The following PNPLA3 variants were observed in gnomAD, a reference collection of about 807,000 sequenced individuals.
PNPLA3 encodes 1-acylglycerol-3-phosphate O-acyltransferase PNPLA3.
PNPLA3 carries 42 observed loss-of-function variants against 43.1 expected under a neutral mutation model. That is an observed-to-expected ratio of 0.97 (90% CI 0.76 to 1.26). The LOEUF (loss-of-function observed/expected upper bound fraction) is 1.26. Ranked by LOEUF, PNPLA3 falls within the 50% of genes most tolerant of loss-of-function variation. PNPLA3 has a pLI of 0.00. For synonymous variants in PNPLA3, 272 were observed against 253.6 expected (o/e 1.07, Z -0.69); for missense variants, 647 against 621.4 (o/e 1.04, Z -0.44).
chr22:43,930,101 G>C (rs1034954215), intron 3 of PNPLA3, among the ~76,000 whole-genome samples: 1 of 152,168 alleles, frequency 6.6e-6, no homozygotes, highest in African/African-American at 2.4e-5. Context: ...GCAGAGCCAC[G>C]TGGCAGAGGG....
Position 43,946,152 on chromosome 22 carries a change from A to T in PNPLA3, c.1218-2A>T. On this transcript the variant is annotated splice_acceptor_variant, in intron 8 of 8. Transcript: ENST00000216180. LOFTEE classifies it high-confidence loss of function. ...TAAGCCAACTTCCTCCATGTGTTTC[A>T]GGTCCCAAATGCCAGTGAGCAGCCA... 6.2e-7 allele frequency: 1 copy of T among 1,611,982 alleles called. No individual in the cohort carries two copies. Among genetic ancestry groups the T allele is most frequent in the Non-Finnish European group, 8.5e-7 (1 of 1,178,226 alleles).
chr22:43,941,037 G>A (rs946728625), intron 7 of PNPLA3, among the ~76,000 whole-genome samples: 2 of 151,098 alleles, frequency 1.3e-5, no homozygotes, highest in African/African-American at 2.4e-5. Flanking sequence ...TACTCCGGAG[G>A]CTAAGGCAGG....
chr22:43,939,439 G>A (rs2146787983), intron 6 of PNPLA3: 1 of 961,844 alleles, frequency 1.0e-6, no homozygotes, highest in Non-Finnish European at 1.2e-6. Context: ...GCTGGGAGTG[G>A]GGACCCTATG....
At chr22:43,930,028 G>T (rs1194667209) in intron 3 of PNPLA3, among the ~76,000 whole-genome samples, 1 of 152,096 alleles carries the variant, frequency 6.6e-6, no homozygotes, top group African/African-American at 2.4e-5. Context: ...AGCCTTTTAG[G>T]GTAATTTTTG....
chr22:43,940,707 G>T (rs574599866), intron 7 of PNPLA3, among the ~76,000 whole-genome samples: 10 of 152,236 alleles, frequency 6.6e-5, no homozygotes, highest in Admixed American at 3.9e-4. Flanking sequence ...TACTTGGAAG[G>T]CTGGGGCAGA....
intron 5 of PNPLA3, among the ~76,000 whole-genome samples, chr22:43,935,906 CAG>C (rs967130480): frequency 6.6e-5 from 10 of 152,096 alleles, no homozygotes; most frequent in African/African-American, 2.4e-4. Flanking sequence ...AGCGAGATAC[CAG>C]TGTCTAGGAG....
chr22:43,926,923 T>G lies in PNPLA3; in HGVS notation c.188-12T>G. The G allele has an allele frequency of 2.5e-6, 4 of 1,611,408 alleles. No homozygotes were observed. Among genetic ancestry groups the G allele is most frequent in the Non-Finnish European group, 3.4e-6 (4 of 1,177,602 alleles). On this transcript the variant is annotated splice_polypyrimidine_tract_variant and intron_variant, in intron 1 of 8. Transcript: ENST00000216180. ...TGGTACATTCTTTCATGTATTTGTCTCCTGTCCCCAGAGCAGACTCTGCAG... is the reference window on the plus strand; with the variant it reads ...TGGTACATTCTTTCATGTATTTGTCGCCTGTCCCCAGAGCAGACTCTGCAG...
At position 43,946,662 on chromosome 22, in the gene PNPLA3, C is replaced by T. The variant is rs968127063; in HGVS notation, c.*280C>T. The T allele has an allele frequency of 9.3e-6, 6 of 645,322 alleles. No individual in the cohort carries two copies. In the East Asian group the frequency reaches 2.1e-4, roughly 22 times the overall value. The allele number at this position is 645,322 out of a possible 1,614,324, so 40.0% of individuals were successfully genotyped here. The stretch of plus-strand genomic sequence containing the variant: ...GGGTCCCTTACTGACTGTTTCGTGG[C>T]CCTATTAATGGTCAGACTGTTCCAG... On this transcript the variant is annotated 3_prime_UTR_variant, in exon 9 of 9. Coordinates refer to ENST00000216180, the MANE Select transcript of PNPLA3 (RefSeq NM_025225.3).
At chr22:43,941,772 C>T (rs1039661365) in intron 7 of PNPLA3, among the ~76,000 whole-genome samples, 3 of 151,530 alleles carry the variant, frequency 2.0e-5, no homozygotes, top group Non-Finnish European at 4.4e-5. Context: ...GGTTGTCTGA[C>T]AGTGGAGGGC....
At chr22:43,937,344 CT>C in intron 6 of PNPLA3, 72 bp downstream of exon 6, 2 of 1,421,322 alleles carry the variant, frequency 1.4e-6, no homozygotes, top group South Asian at 2.4e-5. Flanking sequence ...GAAGATGGTA[CT>C]GCCACATGGG....
chr22:43,928,924 G>C (rs748761503), intron 3 of PNPLA3, 35 bp downstream of exon 3: 3 of 1,573,508 alleles, frequency 1.9e-6, no homozygotes, highest in African/African-American at 1.3e-5. Flanking sequence ...CTGAGTCCTG[G>C]GGGCCTCTGA....
intron 1 of PNPLA3, among the ~76,000 whole-genome samples, chr22:43,924,683 A>T (rs1193614101): frequency 2.3e-4 from 34 of 148,894 alleles, no homozygotes; most frequent in African/African-American, 8.2e-4. Context: ...AGTTTCGCTC[A>T]GTCGCCCAGG....
chr22:43,943,760 T>C (rs916529552), intron 7 of PNPLA3, among the ~76,000 whole-genome samples: 1 of 152,178 alleles, frequency 6.6e-6, no homozygotes, highest in African/African-American at 2.4e-5. Flanking sequence ...ACTTTGTTTT[T>C]AGTAAGTTAG....
In PNPLA3 at chr22:43,947,323, C is replaced by T; in HGVS notation, c.*941C>T. 6.6e-6 allele frequency: 1 copy of T among 151,512 alleles called. No homozygotes were observed. Among genetic ancestry groups the T allele is most frequent in the Non-Finnish European group, 1.5e-5 (1 of 68,366 alleles). 9.4% of individuals were successfully genotyped at this position (151,512 alleles called of 1,614,324 possible). On this transcript the variant is annotated 3_prime_UTR_variant, in exon 9 of 9. Coordinates refer to ENST00000216180, the MANE Select transcript of PNPLA3 (RefSeq NM_025225.3). ...GCGGTGAGCTGAGATTGCACCATTT[C>T]ATTCCAGCCTGGGCAACATGAGTGA...
intron 6 of PNPLA3, 51 bp downstream of exon 6, chr22:43,937,323 G>A (rs760690661): frequency 1.3e-6 from 2 of 1,538,854 alleles, no homozygotes; most frequent in East Asian, 4.6e-5. Flanking sequence ...TCTTTCTTGT[G>A]CATTATGGAG....
At position 43,932,419 on chromosome 22, in the gene PNPLA3, C is replaced by T. The variant is rs182677362; in HGVS notation, c.487-459C>T. On this transcript the variant is annotated intron_variant, in intron 3 of 8. Coordinates refer to ENST00000216180, the MANE Select transcript of PNPLA3 (RefSeq NM_025225.3). The stretch of plus-strand genomic sequence containing the variant: ...GTCTTATCCCAGATTTCTGTATCCT[C>T]CTTGCAAGCAGCAAAGGGGTCTGGA... Among the ~76,000 whole-genome samples the T allele has an allele frequency of 7.2e-5, 11 of 152,294 alleles. No homozygotes were observed. The East Asian group carries it at 2.1e-3, about 29-fold the overall frequency.
chr22:43,938,075 C>T (rs967986415), intron 6 of PNPLA3, among the ~76,000 whole-genome samples: 10 of 152,222 alleles, frequency 6.6e-5, no homozygotes, highest in African/African-American at 2.2e-4. Context: ...CAGGCCCTCA[C>T]CAGACACCAA....
intron 1 of PNPLA3, among the ~76,000 whole-genome samples, chr22:43,926,217 G>A (rs1158376978): frequency 6.6e-6 from 1 of 152,218 alleles, no homozygotes; most frequent in Non-Finnish European, 1.5e-5. Context: ...GCCACTCAGG[G>A]AAGGAGAGCT....
At chr22:43,944,627 G>A (rs2095030401) in intron 7 of PNPLA3, 64 bp from the exon 8 acceptor site, 5 of 1,323,234 alleles carry the variant, frequency 3.8e-6, no homozygotes, top group Non-Finnish European at 5.5e-6. Flanking sequence ...TAAACAAAGG[G>A]TAGTGTTGTA....
Sources: gnomAD v4.1 joint callset for allele counts (sites outside exome capture counted in the v4.1 genomes callset) on GRCh38, gnomAD v4.1.1 for gene constraint, MANE v1.5 for transcripts, NCBI Gene and HGNC (gene_info 2026-07-23, HGNC 2026-07-21) for gene names.